C2CD2: variants seen among roughly 807,000 people sequenced by gnomAD.
C2CD2 encodes C2 domain-containing protein 2.
A neutral mutation model predicts 74.3 loss-of-function variants in C2CD2; 43 were observed. That is an observed-to-expected ratio of 0.58 (90% CI 0.45 to 0.75). The LOEUF (loss-of-function observed/expected upper bound fraction) is 0.75. C2CD2 is among the 30% of genes least tolerant of loss of function. The probability of loss-of-function intolerance (pLI) is 0.00; values close to 1 mark genes in which losing one functional copy is unlikely to be tolerated. For missense variants in C2CD2, 801 were observed against 916.3 expected (o/e 0.87, Z 1.63); for synonymous variants, 422 against 390.7 (o/e 1.08, Z -0.94).
intron 2 of C2CD2, 46 bp downstream of exon 2, chr21:41,942,101 G>T: frequency 6.5e-7 from 1 of 1,542,962 alleles, no homozygotes; most frequent in South Asian, 1.2e-5. Context: ...CCCGTCCCCG[G>T]CATCAAGTTC....
In C2CD2 at chr21:41,917,143, A is replaced by G. The variant is rs377758414; in HGVS notation, c.720+962T>C. ...GCATACTGCAGGCTTCGGGAGGGTG[A>G]TGGTGCTTCCTTATACTCTTGTGAC... On this transcript the variant is annotated intron_variant, in intron 5 of 13. Transcript: ENST00000380486. Among the ~76,000 whole-genome samples the G allele has an allele frequency of 1.2e-4, 19 of 152,242 alleles. No homozygotes were observed. The East Asian group carries it at 3.5e-3, about 28-fold the overall frequency.
intron 13 of C2CD2, among the ~76,000 whole-genome samples, chr21:41,893,458 G>T (rs184591336): frequency 6.6e-6 from 1 of 152,196 alleles, no homozygotes; most frequent in African/African-American, 2.4e-5. Context: ...CAGCCTGCAT[G>T]TAAAAAGATG....
intron 1 of C2CD2, among the ~76,000 whole-genome samples, chr21:41,951,755 G>T (rs1436116642): frequency 6.6e-6 from 1 of 152,178 alleles, no homozygotes; most frequent in Non-Finnish European, 1.5e-5. Flanking sequence ...CAGTCAGATG[G>T]GAATATGGAA....
At chr21:41,948,632 G>A (rs2065422191) in intron 1 of C2CD2, among the ~76,000 whole-genome samples, 2 of 152,144 alleles carry the variant, frequency 1.3e-5, no homozygotes, top group African/African-American at 2.4e-5. Context: ...TCTACTGGAG[G>A]AGGGAAGGGC....
chr21:41,905,846 G>GGAA lies in C2CD2; in HGVS notation c.1319-12_1319-10dup. ...AGTCTTCACCGGAGAATCTGCCAGAGGAAGATCCTGATTACAAAAGCGGCC... is the reference window on the plus strand; with the variant it reads ...AGTCTTCACCGGAGAATCTGCCAGAGGAAGAAGATCCTGATTACAAAAGCGGCC... On this transcript the variant is annotated splice_polypyrimidine_tract_variant and intron_variant, in intron 10 of 13. Transcript: ENST00000380486. 6.8e-7 allele frequency: 1 copy of GGAA among 1,470,712 alleles called. No individual in the cohort carries two copies. The highest frequency in any genetic ancestry group is 9.5e-7 in the Non-Finnish European group (1 of 1,049,060). The allele number at this position is 1,470,712 out of a possible 1,614,324, so 91.1% of individuals were successfully genotyped here. A position where few individuals can be genotyped will look rare whatever the true frequency, so the allele number is the denominator to read the frequency against.
In C2CD2 at chr21:41,953,540, C is replaced by A. The variant is rs759269898; in HGVS notation, c.109G>T (p.Ala37Ser). 4.7e-6 allele frequency: 7 copies of A among 1,479,266 alleles called. No individual in the cohort carries two copies. The highest frequency in any genetic ancestry group is 1.8e-4 in the Middle Eastern group (1 of 5,426). The allele number at this position is 1,479,266 out of a possible 1,614,324, so 91.6% of individuals were successfully genotyped here. Residue 37 changes from alanine to serine, a missense_variant, in exon 1 of 14, where the codon GCG (alanine) becomes TCG (serine). Transcript: ENST00000380486. ...ATVGLYLAQW[A>S]LARARPQPQR... ...GGCTGGGGTCGCGCCCTGGCCAGCG[C>A]CCACTGCGCCAGGTACAGGCCTACC...
Position 41,930,968 on chromosome 21 carries a change from T to C in C2CD2, c.379-8883A>G, listed in dbSNP as rs1017453294. Among the ~76,000 whole-genome samples the C allele has an allele frequency of 2.7e-5, 4 of 150,128 alleles. No individual in the cohort carries two copies. The Admixed American group carries it at 2.7e-4, about 10-fold the overall frequency. The stretch of plus-strand genomic sequence containing the variant: ...GCTGGCTCTCAGGTGGCTTGAGATA[T>C]GGAAATAGGAATTTCCTCCTTCTAG... On this transcript the variant is annotated intron_variant, in intron 2 of 13. Coordinates refer to ENST00000380486, the MANE Select transcript of C2CD2 (RefSeq NM_015500.2).
chr21:41,890,743 A>C (rs566631997), intron 13 of C2CD2, among the ~76,000 whole-genome samples: 20 of 152,368 alleles, frequency 1.3e-4, no homozygotes, highest in Admixed American at 9.8e-4. Flanking sequence ...CACGAAGAAT[A>C]TCAATTCCCT....
rs943304424 is a variant in C2CD2, at chr21:41,905,815, G to C, written c.1341C>G (p.Ile447Met). The change falls in exon 11 of 14, where the codon ATC (isoleucine) becomes ATG (methionine). Residue 447 changes from isoleucine to methionine, a missense_variant. Transcript: ENST00000380486. Reference sequence around the variant, plus strand: ...TGTCCTTCTCGATCACCTTCACCTTGATGGGAGTCTTCACCGGAGAATCTG... The same window carrying C: ...TGTCCTTCTCGATCACCTTCACCTTCATGGGAGTCTTCACCGGAGAATCTG... ...LSSDSPVKTP[I>M]KVKVIEKDIS... is the part of the protein sequence containing the mutation. The C allele has an allele frequency of 6.2e-7, 1 of 1,602,178 alleles. No individual in the cohort carries two copies. Among genetic ancestry groups the C allele is most frequent in the Non-Finnish European group, 8.6e-7 (1 of 1,169,128 alleles).
chr21:41,913,780 C>G (rs76502752), intron 6 of C2CD2, among the ~76,000 whole-genome samples: 15 of 152,302 alleles, frequency 9.8e-5, no homozygotes, highest in African/African-American at 3.6e-4. Flanking sequence ...GTGCCCTGTC[C>G]CGAGTGACTC....
At position 41,899,376 on chromosome 21, in the gene C2CD2, TG is replaced by T; in HGVS notation, c.1561-15del. ...AGATAGTGAGGTCTGTCAGGGGCAG[TG>T]GGGAAGATGACAAGGGATACATGAA... On this transcript the variant is annotated splice_polypyrimidine_tract_variant and intron_variant, in intron 12 of 13. Coordinates refer to ENST00000380486, the MANE Select transcript of C2CD2 (RefSeq NM_015500.2). The surrounding 1 kb of genome is among the most constrained non-coding windows in gnomAD (Gnocchi z 4.4). 6.3e-7 allele frequency: 1 copy of T among 1,599,786 alleles called. No individual in the cohort carries two copies. The highest frequency in any genetic ancestry group is 8.5e-7 in the Non-Finnish European group (1 of 1,178,848).
intron 2 of C2CD2, among the ~76,000 whole-genome samples, chr21:41,925,154 T>C (rs76849597): frequency 0.04 from 6,133 of 152,214 alleles, 422 homozygotes; most frequent in African/African-American, 0.14. Context: ...AAGCCTTTCT[T>C]AGCCTCCCCT....
At chr21:41,894,292 GTT>G (rs1346951556) in intron 13 of C2CD2, among the ~76,000 whole-genome samples, 1 of 152,144 alleles carries the variant, frequency 6.6e-6, no homozygotes, top group Non-Finnish European at 1.5e-5. Flanking sequence ...TTTGGTCACT[GTT>G]TTCCTACCTA....
chr21:41,906,931 C>A, intron 10 of C2CD2, 61 bp downstream of exon 10: 1 of 1,339,844 alleles, frequency 7.5e-7, no homozygotes, highest in African/African-American at 1.4e-5. Flanking sequence ...GTTGTGGGGG[C>A]AAGGTGGTTA....
rs2065338674 is a variant in C2CD2, at chr21:41,939,705, A to G, written c.378+2442T>C. On this transcript the variant is annotated intron_variant, in intron 2 of 13. Transcript: ENST00000380486. The surrounding 1 kb of genome is among the most constrained non-coding windows in gnomAD (Gnocchi z 5.5). ...CAGTACTTTCCAGTGACTTCCTCAC[A>G]CTACTTACAAGGATTATCTAACAGC... is the stretch of plus-strand genomic sequence containing the variant. 6.6e-6 allele frequency among the ~76,000 whole-genome samples: 1 copy of G among 152,190 alleles called. No individual in the cohort carries two copies. Among genetic ancestry groups the G allele is most frequent in the East Asian group, 1.9e-4 (1 of 5,202 alleles).
At chr21:41,915,881 A>G (rs1459273556) in intron 5 of C2CD2, among the ~76,000 whole-genome samples, 1 of 151,898 alleles carries the variant, frequency 6.6e-6, no homozygotes, top group Admixed American at 6.6e-5. Flanking sequence ...GCAAGCATTC[A>G]GGGACCCAGA....
chr21:41,890,625 A>G (rs2064740428), intron 13 of C2CD2, among the ~76,000 whole-genome samples: 1 of 152,248 alleles, frequency 6.6e-6, no homozygotes, highest in East Asian at 1.9e-4. Flanking sequence ...GAGGAGCTTT[A>G]TACCTAATGT....
At chr21:41,917,255 G>A (rs1391859652) in intron 5 of C2CD2, among the ~76,000 whole-genome samples, 2 of 152,212 alleles carry the variant, frequency 1.3e-5, no homozygotes, top group Non-Finnish European at 1.5e-5. Context: ...CCTACTGACA[G>A]CTGGTGACAT....
At chr21:41,952,528 A>C in intron 1 of C2CD2, among the ~76,000 whole-genome samples, 1 of 152,264 alleles carries the variant, frequency 6.6e-6, no homozygotes. Context: ...CCCAGGCTCC[A>C]ACTTCTCCTG....
Sources: allele counts gnomAD v4.1 joint callset (sites outside exome capture counted in the v4.1 genomes callset), GRCh38; gene constraint gnomAD v4.1.1; non-coding constraint Gnocchi (gnomAD v3.1); transcripts MANE v1.5; gene names NCBI Gene and HGNC (gene_info 2026-07-23, HGNC 2026-07-21).